AOX1: variants seen among roughly 807,000 people sequenced by gnomAD.
AOX1 encodes aldehyde oxidase 1.
Under a neutral mutation model 169.5 loss-of-function variants are expected in AOX1, and 153 were observed. That is an observed-to-expected ratio of 0.90 (90% CI 0.79 to 1.03). The LOEUF is 1.03. AOX1 is among the 50% of genes least tolerant of loss of function. AOX1 has a pLI of 0.00. For synonymous variants in AOX1, 562 were observed against 581.9 expected, an observed-to-expected ratio of 0.97 and a Z score of 0.49; for missense variants, 1,656 against 1,663.9, an observed-to-expected ratio of 1.00 and a Z score of 0.08.
intron 10 of AOX1, among the ~76,000 whole-genome samples, chr2:200,608,592 T>C (rs192084092): frequency 5.5e-4 from 84 of 152,308 alleles, no homozygotes; most frequent in African/African-American, 1.9e-3. Flanking sequence ...AATGGGGCTA[T>C]TAATATCTCA....
At chr2:200,645,713 G>A (rs889187502) in intron 25 of AOX1, among the ~76,000 whole-genome samples, 5 of 151,964 alleles carry the variant, frequency 3.3e-5, no homozygotes, top group Admixed American at 2.0e-4. Context: ...ACTTTTTATT[G>A]TTGGTAATTT....
At chr2:200,599,121 G>A (rs2034349752) in intron 4 of AOX1, among the ~76,000 whole-genome samples, 3 of 152,192 alleles carry the variant, frequency 2.0e-5, no homozygotes, top group Non-Finnish European at 4.4e-5. Flanking sequence ...AAGCAAAAAT[G>A]CTAGGGGGAG....
At chr2:200,682,059 G>A (rs1418181219), downstream of AOX1, among the ~76,000 whole-genome samples, 6 of 152,080 alleles carry the variant, frequency 3.9e-5, no homozygotes, top group African/African-American at 1.2e-4. Context: ...AATTAAAATG[G>A]CTTAAGACTT....
At chr2:200,649,936 C>T (rs898286701) in intron 25 of AOX1, among the ~76,000 whole-genome samples, 8 of 152,224 alleles carry the variant, frequency 5.3e-5, no homozygotes, top group African/African-American at 1.9e-4. Flanking sequence ...CCAGCTCTTC[C>T]AGAAATTGGC....
chr2:200,593,226 T>G, intron 2 of AOX1, 23 bp downstream of exon 2: 1 of 1,570,226 alleles, frequency 6.4e-7, no homozygotes, highest in Non-Finnish European at 8.8e-7. Flanking sequence ...TTACTTTGAC[T>G]GTGTATGTGT....
intron 25 of AOX1, 61 bp downstream of exon 25, chr2:200,642,862 GGGGGCCAT>G: frequency 6.6e-7 from 1 of 1,508,418 alleles, no homozygotes; most frequent in Non-Finnish European, 9.0e-7. Flanking sequence ...TAGGGCCTTT[GGGGGCCAT>G]TCAGGTTGAG....
At chr2:200,651,226 G>T (rs1225944559) in intron 26 of AOX1, 25 bp downstream of exon 26, 1 of 1,601,560 alleles carries the variant, frequency 6.2e-7, no homozygotes. Context: ...TGCACATGAG[G>T]ATGCTGCCTG....
intron 1 of AOX1, among the ~76,000 whole-genome samples, chr2:200,588,648 C>T (rs551046194): frequency 2.2e-4 from 33 of 150,714 alleles, no homozygotes; most frequent in African/African-American, 7.8e-4. Flanking sequence ...CTTCTCCTCC[C>T]TTCTAAATTC....
intron 24 of AOX1, among the ~76,000 whole-genome samples, chr2:200,642,147 A>G (rs1404353870): frequency 6.6e-6 from 1 of 152,166 alleles, no homozygotes; most frequent in African/African-American, 2.4e-5. Flanking sequence ...AAGAGTTTCA[A>G]CCAAAATGTT....
chr2:200,616,060 C>G lies in AOX1; in HGVS notation c.1701C>G (p.Tyr567Ter). 1 of 1,607,156 alleles carries G rather than the reference C, an allele frequency of 6.2e-7. No individual in the cohort carries two copies. The highest frequency in any genetic ancestry group is 1.7e-4 in the Middle Eastern group (1 of 6,056). The change falls in exon 16 of 35, where the codon TAC becomes TAG. Residue 567 changes from tyrosine (Y) to a stop codon, truncating the protein, a stop_gained. Coordinates refer to ENST00000374700, the MANE Select transcript of AOX1 (RefSeq NM_001159.4). LOFTEE classifies it high-confidence loss of function. ...AACATCACTGCAGTACATTAAAGTA[C>G]CAGGTGAGCGGTATTTCTTGTTTTT... ...HSKHHCSTLK[Y>*]QNIGPKQHPE...
At chr2:200,631,718 A>G (rs1574937668) in intron 20 of AOX1, among the ~76,000 whole-genome samples, 2 of 152,312 alleles carry the variant, frequency 1.3e-5, no homozygotes, top group South Asian at 4.1e-4. Context: ...TTCTTTACAG[A>G]TTTAAACAGG....
intron 3 of AOX1, among the ~76,000 whole-genome samples, chr2:200,596,742 G>A (rs539442540): frequency 3.9e-5 from 6 of 152,272 alleles, no homozygotes; most frequent in Middle Eastern, 6.8e-3. Context: ...TTATGAAGGG[G>A]TTGTCACATC....
chr2:200,630,584 A>C (rs1292202077), intron 20 of AOX1, among the ~76,000 whole-genome samples: 2 of 125,124 alleles, frequency 1.6e-5, no homozygotes, highest in East Asian at 3.2e-4. Context: ...GGAAGGAAGG[A>C]AGGAAGGAAG....
chr2:200,624,911 T>A (rs1014898473), intron 19 of AOX1, among the ~76,000 whole-genome samples: 1 of 152,180 alleles, frequency 6.6e-6, no homozygotes, highest in Non-Finnish European at 1.5e-5. Flanking sequence ...CACAGCATAA[T>A]GAACATGTTG....
At position 200,648,577 on chromosome 2, in the gene AOX1, GGT is replaced by G. The variant is rs375503458; in HGVS notation, c.2848-2395_2848-2394del. Among the ~76,000 whole-genome samples the G allele has an allele frequency of 9.1e-4, 138 of 152,320 alleles. 1 individual carries two copies. The East Asian group carries it at 0.024, about 27-fold the overall frequency. ...TGTGCTGGTTGGCCTCCTACCAGGA[GGT>G]GGCACTTTCCAGAAAGCATCAGCTG... On this transcript the variant is annotated intron_variant, in intron 25 of 34. Transcript: ENST00000374700.
At chr2:200,606,795 G>A (rs893033063) in intron 10 of AOX1, among the ~76,000 whole-genome samples, 1 of 152,088 alleles carries the variant, frequency 6.6e-6, no homozygotes, top group Admixed American at 6.5e-5. Context: ...TCTATTGTTG[G>A]TGTATTGGAA....
chr2:200,637,449 A>G (rs1326869317), intron 22 of AOX1, among the ~76,000 whole-genome samples: 1 of 152,136 alleles, frequency 6.6e-6, no homozygotes, highest in Non-Finnish European at 1.5e-5. Context: ...ATATACATAC[A>G]CACATATATG....
intron 9 of AOX1, 26 bp from the exon 10 acceptor site, chr2:200,605,509 GA>G: frequency 1.3e-6 from 1 of 772,546 alleles, no homozygotes; most frequent in Non-Finnish European, 1.9e-6. Flanking sequence ...TAGTCTTATT[GA>G]TTTTTTTTTT....
At chr2:200,637,818 CA>C (rs1184092488) in intron 22 of AOX1, among the ~76,000 whole-genome samples, 1 of 152,094 alleles carries the variant, frequency 6.6e-6, no homozygotes, top group African/African-American at 2.4e-5. Context: ...TCCCAGGAAG[CA>C]AAAATACCTT....
Sources: gnomAD v4.1 joint callset for allele counts (sites outside exome capture counted in the v4.1 genomes callset) on GRCh38, gnomAD v4.1.1 for gene constraint, MANE v1.5 for transcripts, NCBI Gene and HGNC (gene_info 2026-07-23, HGNC 2026-07-21) for gene names.